Variants in ECM1 observed in about 807,000 individuals in gnomAD.
ECM1 encodes secretory component p85.
Under a neutral mutation model 57.9 loss-of-function variants are expected in ECM1, and 54 were observed. The observed-to-expected ratio is 0.93, with a 90% CI of 0.75 to 1.17. ECM1 has a LOEUF of 1.17. Ranked by LOEUF, ECM1 falls within the 50% of genes most tolerant of loss-of-function variation. The pLI is 0.00. For missense variants in ECM1, 649 were observed against 688.1 expected (o/e 0.94, Z 0.64); for synonymous variants, 237 against 259.1 (o/e 0.91, Z 0.82).
intron 8 of ECM1, 30 bp downstream of exon 8, chr1:150,512,602 T>C (rs1297638382): frequency 1.9e-6 from 3 of 1,613,444 alleles, no homozygotes; most frequent in Non-Finnish European, 2.5e-6. Flanking sequence ...CCCACTCTCT[T>C]CCTTTCCCGA....
At chr1:150,509,603 A>G in intron 2 of ECM1, 22 bp downstream of exon 2, 1 of 1,614,064 alleles carries the variant, frequency 6.2e-7, no homozygotes, top group Non-Finnish European at 8.5e-7. Flanking sequence ...GGGGAGCAGC[A>G]TGGGATTGGG....
intron 9 of ECM1, 94 bp downstream of exon 9, chr1:150,512,906 C>T (rs1670482793): frequency 2.2e-6 from 3 of 1,387,964 alleles, no homozygotes; most frequent in Non-Finnish European, 3.1e-6. Flanking sequence ...GTACCTCAAA[C>T]CAGCCTTTGG....
chr1:150,508,555 G>A (rs997110268), intron 1 of ECM1, among the ~76,000 whole-genome samples: 5 of 152,150 alleles, frequency 3.3e-5, no homozygotes, highest in Admixed American at 2.0e-4. Flanking sequence ...ACAGAGTGAG[G>A]GTCTCCTGCT....
Position 150,513,496 on chromosome 1 carries a change from G to C in ECM1, c.*29G>C. On this transcript the variant is annotated 3_prime_UTR_variant, in exon 10 of 10. Coordinates refer to ENST00000369047, the MANE Select transcript of ECM1 (RefSeq NM_004425.4). ...ACCCCAGAGCCCTAGAGGGTCAGAT[G>C]GGGGGAACCCCACCCTGCCCCACCC... 2 of 1,596,744 alleles carry C rather than the reference G, an allele frequency of 1.3e-6. No homozygotes were observed. Among genetic ancestry groups the C allele is most frequent in the Admixed American group, 1.7e-5 (1 of 58,564 alleles).
At chr1:150,512,258 C>A in intron 7 of ECM1, 94 bp from the exon 8 acceptor site, 1 of 1,416,324 alleles carries the variant, frequency 7.1e-7, no homozygotes, top group Non-Finnish European at 9.9e-7. Flanking sequence ...CTGGGAGCCC[C>A]TCATCTAGTT....
At chr1:150,511,939 G>A (rs767438048) in intron 7 of ECM1, 108 bp downstream of exon 7, 82 of 1,405,260 alleles carry the variant, frequency 5.8e-5, no homozygotes, top group Admixed American at 3.8e-4. Context: ...CTGTGAGTGC[G>A]TCCACCCGTT....
In ECM1 at chr1:150,511,595, G is replaced by T. The variant is rs1206207471; in HGVS notation, c.847G>T (p.Ala283Ser). 1 of 1,614,154 alleles carries T rather than the reference G, an allele frequency of 6.2e-7. No individual in the cohort carries two copies. ...TCCCCAGCCACACTACCAGCTCCGGGCCTGCCCCAGCCATCAGCCTGATAT... is the reference window on the plus strand; with the variant it reads ...TCCCCAGCCACACTACCAGCTCCGGTCCTGCCCCAGCCATCAGCCTGATAT... ...EAPQPHYQLR[A>S]CPSHQPDISS... Residue 283 changes from alanine to serine, a missense_variant, in exon 7 of 10, where the codon GCC (alanine) becomes TCC (serine). Coordinates refer to ENST00000369047, the MANE Select transcript of ECM1 (RefSeq NM_004425.4).
chr1:150,511,886 G>A (rs1185392590), intron 7 of ECM1, 55 bp downstream of exon 7: 31 of 1,556,044 alleles, frequency 2.0e-5, no homozygotes, highest in East Asian at 4.5e-5. Context: ...GCCCATCTTC[G>A]ACCTCTGATC....
intron 5 of ECM1, chr1:150,510,428 C>T: frequency 1.7e-6 from 1 of 598,770 alleles, no homozygotes. Context: ...CTGAGTTCTT[C>T]TTTGTGCATG....
intron 7 of ECM1, 136 bp downstream of exon 7, chr1:150,511,967 C>A: frequency 8.1e-7 from 1 of 1,236,492 alleles, no homozygotes; most frequent in Non-Finnish European, 1.1e-6. Flanking sequence ...TTGTGGCTGT[C>A]CGTCCATCCA....
intron 1 of ECM1, among the ~76,000 whole-genome samples, chr1:150,508,794 A>G (rs587681486): frequency 6.6e-6 from 1 of 152,216 alleles, no homozygotes; most frequent in Admixed American, 6.5e-5. Flanking sequence ...ATGGGTGGAA[A>G]CTAAGAAAAA....
chr1:150,511,377 G>A, intron 6 of ECM1, 80 bp from the exon 7 acceptor site: 2 of 1,610,582 alleles, frequency 1.2e-6, no homozygotes, highest in Non-Finnish European at 1.7e-6. Flanking sequence ...TTCTTTATCT[G>A]CCTGCCCAGT....
At chr1:150,508,349 C>A in intron 1 of ECM1, 70 bp downstream of exon 1, 1 of 1,414,534 alleles carries the variant, frequency 7.1e-7, no homozygotes, top group Non-Finnish European at 1.0e-6. Context: ...CCAGGCATCC[C>A]AGACGGCTCA....
chr1:150,509,405 T>A, intron 1 of ECM1, 126 bp from the exon 2 acceptor site: 1 of 1,006,260 alleles, frequency 9.9e-7, no homozygotes, highest in Non-Finnish European at 1.6e-6. Context: ...GGCAGGTGAA[T>A]ACAGAGGGGC....
At position 150,508,175 on chromosome 1, in the gene ECM1, CCA is replaced by C. The variant is rs1484036455; in HGVS notation, c.-33_-32del. ...CACATCCAGACTTGCCTGAGAGGAC[CCA>C]CCTCTGAGTGTCCAGTGGTCAGTTG... On this transcript the variant is annotated 5_prime_UTR_variant, in exon 1 of 10. Transcript: ENST00000369047. 2 of 1,605,700 alleles carry C rather than the reference CCA, an allele frequency of 1.2e-6. No individual in the cohort carries two copies. Among genetic ancestry groups the C allele is most frequent in the South Asian group, 2.2e-5 (2 of 90,904 alleles).
At position 150,513,611 on chromosome 1, in the gene ECM1, T is replaced by G; in HGVS notation, c.*144T>G. On this transcript the variant is annotated 3_prime_UTR_variant, in exon 10 of 10. Transcript: ENST00000369047. ...CACCCGCAGTGTTTTAAGTGGATCT[T>G]GGTGCCCTGGCCCAGGAGGGCACTG... The G allele has an allele frequency of 2.4e-6, 2 of 823,236 alleles. No individual in the cohort carries two copies. The highest frequency in any genetic ancestry group is 3.8e-6 in the Non-Finnish European group (2 of 531,266). 51.0% of individuals were successfully genotyped at this position (823,236 alleles called of 1,614,324 possible).
chr1:150,511,400 A>G (rs587662243), intron 6 of ECM1, 57 bp from the exon 7 acceptor site: 1 of 1,613,354 alleles, frequency 6.2e-7, no homozygotes, highest in Admixed American at 1.7e-5. Context: ...CCTTTCCTGG[A>G]GCCTGGGAGG....
intron 6 of ECM1, 84 bp from the exon 7 acceptor site, chr1:150,511,373 A>G (rs957241910): frequency 6.2e-7 from 1 of 1,610,268 alleles, no homozygotes; most frequent in Non-Finnish European, 8.5e-7. Context: ...TCTCTTCTTT[A>G]TCTGCCTGCC....
In ECM1 at chr1:150,508,377, C is replaced by G. The variant is rs1290044254; in HGVS notation, c.70+98C>G. On this transcript the variant is annotated intron_variant, in intron 1 of 9. Coordinates refer to ENST00000369047, the MANE Select transcript of ECM1 (RefSeq NM_004425.4). The stretch of plus-strand genomic sequence containing the variant: ...ACGGCTCATCACTAGCAGAGTGATT[C>G]TCCGTTTGGCTTTCCTTTTCTGAGC... 7 of 1,204,468 alleles carry G rather than the reference C, an allele frequency of 5.8e-6. No individual in the cohort carries two copies. The East Asian group carries it at 1.4e-4, about 24-fold the overall frequency. The allele number at this position is 1,204,468 out of a possible 1,614,324, so 74.6% of individuals were successfully genotyped here.
Sources: allele counts gnomAD v4.1 joint callset (sites outside exome capture counted in the v4.1 genomes callset), GRCh38; gene constraint gnomAD v4.1.1; transcripts MANE v1.5; gene names NCBI Gene and HGNC (gene_info 2026-07-23, HGNC 2026-07-21).